The following DDX21 variants were observed in gnomAD, a reference collection of about 807,000 sequenced individuals.
DDX21 encodes the protein nucleolar RNA helicase 2.
DDX21 carries 18 observed loss-of-function variants against 90.0 expected under a neutral mutation model. That is an observed-to-expected ratio of 0.20 (90% CI 0.14 to 0.30). DDX21 has a LOEUF of 0.30. Ranked by LOEUF, DDX21 falls within the 10% of genes least tolerant of loss-of-function variation. The pLI is 1.00. For missense variants in DDX21, 673 were observed against 944.5 expected, an observed-to-expected ratio of 0.71 and a Z score of 3.77; for synonymous variants, 294 against 318.0, an observed-to-expected ratio of 0.92 and a Z score of 0.80.
intron 7 of DDX21, 107 bp downstream of exon 7, chr10:68,969,228 A>T: frequency 9.0e-7 from 1 of 1,112,450 alleles, no homozygotes; most frequent in Non-Finnish European, 1.3e-6. Flanking sequence ...TACTAAATCC[A>T]TGTGAAAAGC....
chr10:68,982,396 G>A (rs1162350617), intron 14 of DDX21, 147 bp from the exon 15 acceptor site: 2 of 1,120,814 alleles, frequency 1.8e-6, no homozygotes, highest in East Asian at 2.6e-5. Context: ...CATGATGGGT[G>A]GCCAGTGTTA....
intron 2 of DDX21, among the ~76,000 whole-genome samples, chr10:68,960,534 T>C (rs912486278): frequency 1.3e-5 from 2 of 152,172 alleles, no homozygotes; most frequent in African/African-American, 4.8e-5. Context: ...CGATCTCAGC[T>C]CACTGCAACC....
In DDX21 at chr10:68,984,410, C is replaced by G. The variant is rs1226911442; in HGVS notation, c.*1598C>G. The stretch of plus-strand genomic sequence containing the variant: ...CTTCAGTTCTGTCCTTGAATCCCGA[C>G]TAGATATTTCTTGCCCTCTGGTCTC... On this transcript the variant is annotated 3_prime_UTR_variant, in exon 15 of 15. Coordinates refer to ENST00000354185, the MANE Select transcript of DDX21 (RefSeq NM_004728.4). 1 of 152,222 alleles carries G rather than the reference C, an allele frequency of 6.6e-6. No individual in the cohort carries two copies. The highest frequency in any genetic ancestry group is 1.5e-5 in the Non-Finnish European group (1 of 68,034). 9.4% of individuals were successfully genotyped at this position (152,222 alleles called of 1,614,324 possible). A position where few individuals can be genotyped will look rare whatever the true frequency, so the allele number is the denominator to read the frequency against.
Position 68,956,730 on chromosome 10 carries a change from A to C in DDX21, c.87+418A>C. 7 of 1,026,342 alleles carry C rather than the reference A, an allele frequency of 6.8e-6. No individual in the cohort carries two copies. The South Asian group carries it at 2.4e-4, about 36-fold the overall frequency. The allele number at this position is 1,026,342 out of a possible 1,614,324, so 63.6% of individuals were successfully genotyped here. On this transcript the variant is annotated intron_variant, in intron 1 of 14. Coordinates refer to ENST00000354185, the MANE Select transcript of DDX21 (RefSeq NM_004728.4). ...TCCCGGCATGAGCGTGCGCGAAGGA[A>C]GTTACACGTCAAGTCAAAGTGGGTA...
At position 68,968,886 on chromosome 10, in the gene DDX21, G is replaced by A; in HGVS notation, c.1091-90G>A. ...CCTCAGGTGGTTGCTGGTGAACATT[G>A]ATGGACTGTGGAAGTATTAGGTTAG... On this transcript the variant is annotated intron_variant, in intron 6 of 14. Coordinates refer to ENST00000354185, the MANE Select transcript of DDX21 (RefSeq NM_004728.4). 3 of 1,462,598 alleles carry A rather than the reference G, an allele frequency of 2.1e-6. No homozygotes were observed. In the South Asian group the frequency reaches 4.1e-5, roughly 20 times the overall value. The allele number at this position is 1,462,598 out of a possible 1,614,324, so 90.6% of individuals were successfully genotyped here. A position where few individuals can be genotyped will look rare whatever the true frequency, so the allele number is the denominator to read the frequency against.
In DDX21 at chr10:68,982,650, C is replaced by T; in HGVS notation, c.2190C>T (p.Gly730=). The T allele has an allele frequency of 2.5e-6, 4 of 1,613,052 alleles. No homozygotes were observed. In the South Asian group the frequency reaches 3.3e-5, roughly 13 times the overall value. ...GAGGCTTCAGGGGACAGCGGGAAGG[C>T]AGTCGAGGCTTCAGGGGACAGCGGG... ...GYGGFRGQRE[G]SRGFRGQRDG... Residue 730 remains glycine, a synonymous_variant, in exon 15 of 15, where the codon GGC becomes GGT. Transcript: ENST00000354185.
intron 3 of DDX21, among the ~76,000 whole-genome samples, chr10:68,962,525 A>G (rs933005102): frequency 1.3e-5 from 2 of 152,218 alleles, no homozygotes; most frequent in Non-Finnish European, 2.9e-5. Context: ...CTGAGGAAGG[A>G]AGATCGCTTG....
chr10:68,980,425 C>CA (rs1782322556), intron 13 of DDX21, among the ~76,000 whole-genome samples: 1 of 152,120 alleles, frequency 6.6e-6, no homozygotes, highest in Non-Finnish European at 1.5e-5. Context: ...GCCTCAAGAA[C>CA]ACTCAAAGGC....
chr10:68,957,218 G>C (rs113077661), intron 1 of DDX21, among the ~76,000 whole-genome samples: 8 of 152,274 alleles, frequency 5.3e-5, no homozygotes, highest in African/African-American at 1.9e-4. Context: ...ACGAAAATCT[G>C]TTTTACAACT....
chr10:68,969,156 T>A (rs1408074843), intron 7 of DDX21, 35 bp downstream of exon 7: 1 of 1,571,862 alleles, frequency 6.4e-7, no homozygotes, highest in Non-Finnish European at 8.6e-7. Context: ...AATATAAAAT[T>A]GTATATATTT....
At chr10:68,970,538 G>A (rs1219078388) in intron 8 of DDX21, among the ~76,000 whole-genome samples, 188 bp downstream of exon 8, 1 of 150,744 alleles carries the variant, frequency 6.6e-6, no homozygotes, top group African/African-American at 2.4e-5. Flanking sequence ...TACCCAGGCT[G>A]GAGTGCAGTG....
chr10:68,973,597 C>T lies in DDX21; in HGVS notation c.1601C>T (p.Thr534Met), dbSNP rs749004830. Residue 534 changes from threonine to methionine, a missense_variant, in exon 10 of 15, where the codon ACG becomes ATG. Coordinates refer to ENST00000354185, the MANE Select transcript of DDX21 (RefSeq NM_004728.4). ...GGGCGGACAGGCAGAGCTGGAAGGA[C>T]GGGGGTGTGCATCTGCTTTTATCAG... ...RSGRTGRAGR[T>M]GVCICFYQHK... 101 of 1,614,046 alleles carry T rather than the reference C, an allele frequency of 6.3e-5. No homozygotes were observed. The highest frequency in any genetic ancestry group is 2.2e-4 in the East Asian group (10 of 44,872).
Position 68,982,775 on chromosome 10 carries a change from G to C in DDX21, c.2315G>C (p.Gly772Ala). 1.2e-6 allele frequency: 2 copies of C among 1,614,114 alleles called. No homozygotes were observed. The highest frequency in any genetic ancestry group is 1.7e-6 in the Non-Finnish European group (2 of 1,180,022). ...AAAAGTAACAGATCCCAAAACAAAG[G>C]CCAGAAGCGGAGTTTCAGTAAAGCA... Reference protein sequence around the residue: ...GNKSNRSQNKGQKRSFSKAFG... With the variant: ...GNKSNRSQNKAQKRSFSKAFG... The change falls in exon 15 of 15, where the codon GGC (glycine) becomes GCC (alanine). Residue 772 changes from glycine to alanine, a missense_variant. Gly to Ala is a moderately conservative substitution (Grantham distance 60). Transcript: ENST00000354185.
Position 68,965,368 on chromosome 10 carries a change from C to T in DDX21, c.787-9C>T. 6.2e-7 allele frequency: 1 copy of T among 1,601,126 alleles called. No individual in the cohort carries two copies. The highest frequency in any genetic ancestry group is 8.5e-7 in the Non-Finnish European group (1 of 1,170,466). On this transcript the variant is annotated splice_polypyrimidine_tract_variant and intron_variant, in intron 4 of 14. Coordinates refer to ENST00000354185, the MANE Select transcript of DDX21 (RefSeq NM_004728.4). ...CAGTAATTTGAATTCAATTATTTTTCTTTATCAGGTACTGGTTCTTGCACC... is the reference window on the plus strand; with the variant it reads ...CAGTAATTTGAATTCAATTATTTTTTTTTATCAGGTACTGGTTCTTGCACC...
At chr10:68,969,256 A>G (rs918503879) in intron 7 of DDX21, 135 bp downstream of exon 7, 10 of 899,906 alleles carry the variant, frequency 1.1e-5, no homozygotes, top group African/African-American at 8.5e-5. Flanking sequence ...AAATATTTCT[A>G]TTTGAGCTGT....
At chr10:68,962,576 A>G (rs1301055580) in intron 3 of DDX21, among the ~76,000 whole-genome samples, 2 of 152,040 alleles carry the variant, frequency 1.3e-5, no homozygotes, top group South Asian at 2.1e-4. Context: ...TGGTCACACC[A>G]CTGCACGCCA....
intron 14 of DDX21, among the ~76,000 whole-genome samples, chr10:68,982,158 A>C (rs1452170464): frequency 6.6e-6 from 1 of 152,194 alleles, no homozygotes; most frequent in East Asian, 1.9e-4. Flanking sequence ...ATGAGCCACC[A>C]CGTCCAGCCT....
At chr10:68,958,522 C>G (rs1327653906) in intron 1 of DDX21, among the ~76,000 whole-genome samples, 1 of 152,014 alleles carries the variant, frequency 6.6e-6, no homozygotes, top group Non-Finnish European at 1.5e-5. Context: ...CTGCAACCCC[C>G]GCCTCCCGGG....
In DDX21 at chr10:68,967,050, G is replaced by C; in HGVS notation, c.937G>C (p.Val313Leu). The change falls in exon 6 of 15, where the codon GTT (valine) becomes CTT (leucine). Residue 313 changes from valine (V) to leucine (L), a missense_variant. Val to Leu is a conservative substitution (Grantham distance 32, BLOSUM62 1). This residue lies in a region of DDX21 where 218 missense variants were observed against 347.3 expected (regional missense o/e 0.63). Transcript: ENST00000354185. The part of the protein sequence containing the change: ...ERMRNGIDIL[V>L]GTPGRIKDHI... ...CATGAGGAATGGGATTGATATCCTG[G>C]TTGGAACACCAGGTCGTATCAAAGA... is the stretch of plus-strand genomic sequence containing the variant. 1 of 1,610,720 alleles carries C rather than the reference G, an allele frequency of 6.2e-7. No homozygotes were observed. Among genetic ancestry groups the C allele is most frequent in the Non-Finnish European group, 8.5e-7 (1 of 1,178,416 alleles).
Sources: allele counts gnomAD v4.1 joint callset (sites outside exome capture counted in the v4.1 genomes callset), GRCh38; gene constraint gnomAD v4.1.1; regional missense constraint gnomAD v4.1.1; transcripts MANE v1.5; gene names NCBI Gene and HGNC (gene_info 2026-07-23, HGNC 2026-07-21).